Variants in GLI3 observed in about 807,000 individuals in gnomAD.
GLI3 encodes the protein transcription activator GLI3.
GLI3 carries 20 observed loss-of-function variants against 100.8 expected under a neutral mutation model. That is an observed-to-expected ratio of 0.20 (90% CI 0.14 to 0.29). The LOEUF (loss-of-function observed/expected upper bound fraction) is 0.29, where lower values mean the gene tolerates loss of function less well. Ranked by LOEUF, GLI3 falls within the 10% of genes least tolerant of loss-of-function variation. The probability of loss-of-function intolerance (pLI) is 1.00; values close to 1 mark genes in which losing one functional copy is unlikely to be tolerated. For missense variants in GLI3, 2,040 were observed against 2,128.5 expected (o/e 0.96, Z 0.82); for synonymous variants, 938 against 860.5 (o/e 1.09, Z -1.58).
At chr7:42,168,030 AC>A in intron 2 of GLI3, among the ~76,000 whole-genome samples, 1 of 152,216 alleles carries the variant, frequency 6.6e-6, no homozygotes, top group Non-Finnish European at 1.5e-5. Flanking sequence ...AAGTTAATAA[AC>A]TCCTTCCTTT....
chr7:42,178,022 A>G (rs182017980), intron 2 of GLI3, among the ~76,000 whole-genome samples: 19 of 152,322 alleles, frequency 1.2e-4, no homozygotes, highest in Admixed American at 2.0e-4. Flanking sequence ...GCCAAACTTG[A>G]CATGGAAAAA....
At chr7:42,170,175 C>A (rs1787336216) in intron 2 of GLI3, among the ~76,000 whole-genome samples, 1 of 149,484 alleles carries the variant, frequency 6.7e-6, no homozygotes, top group African/African-American at 2.5e-5. Flanking sequence ...TCAGTTGAGC[C>A]CAGGAGGCAG....
rs376050254 is a variant in GLI3, at chr7:42,024,651, A to C, written c.1356+613T>G. ...AGATGATATTATGGGTATAACCTAC[A>C]CATCCTTAAACTGAGGCCCAGAGAA... is the stretch of plus-strand genomic sequence containing the variant. On this transcript the variant is annotated intron_variant, in intron 9 of 14. Transcript: ENST00000395925. Among the ~76,000 whole-genome samples, 3 of 152,306 alleles carry C rather than the reference A, an allele frequency of 2.0e-5. No homozygotes were observed. The East Asian group carries it at 5.8e-4, about 29-fold the overall frequency.
chr7:41,971,440 C>CT (rs1174243333), intron 13 of GLI3, among the ~76,000 whole-genome samples: 1 of 152,222 alleles, frequency 6.6e-6, no homozygotes, highest in East Asian at 1.9e-4. Flanking sequence ...ACTATCTACT[C>CT]TTAATTTTTC....
intron 2 of GLI3, among the ~76,000 whole-genome samples, chr7:42,200,561 G>A (rs934271575): frequency 1.3e-5 from 2 of 152,140 alleles, no homozygotes; most frequent in African/African-American, 4.8e-5. Flanking sequence ...TTGAAGTGAT[G>A]GGGAGGCAGA....
chr7:42,096,279 C>T (rs966984280), intron 3 of GLI3, among the ~76,000 whole-genome samples: 2 of 152,094 alleles, frequency 1.3e-5, no homozygotes, highest in African/African-American at 2.4e-5. Context: ...AGGAGAGTAC[C>T]GATGGAGTCA....
At chr7:42,040,439 CG>C (rs1784110363) in intron 6 of GLI3, among the ~76,000 whole-genome samples, 200 bp from the exon 7 acceptor site, 1 of 152,136 alleles carries the variant, frequency 6.6e-6, no homozygotes, top group Admixed American at 6.5e-5. Context: ...GGGCTTACCT[CG>C]GGGGAGCTCT....
intron 4 of GLI3, among the ~76,000 whole-genome samples, chr7:42,051,155 C>T (rs1394400102): frequency 6.6e-6 from 1 of 152,170 alleles, no homozygotes; most frequent in Non-Finnish European, 1.5e-5. Flanking sequence ...CTTTTACATA[C>T]TGCTGAGAAG....
intron 7 of GLI3, among the ~76,000 whole-genome samples, chr7:42,029,115 C>T (rs1789209611): frequency 6.6e-6 from 1 of 152,226 alleles, no homozygotes; most frequent in South Asian, 2.1e-4. Flanking sequence ...GCAACAGAAA[C>T]ATTCTCCTCC....
rs567167225 is a variant in GLI3 at position 42,083,728 on chromosome 7, T to C, written c.368-6871A>G. Among the ~76,000 whole-genome samples, 5 of 152,344 alleles carry C rather than the reference T, an allele frequency of 3.3e-5. No homozygotes were observed. In the South Asian group the frequency reaches 1.0e-3, roughly 32 times the overall value. On this transcript the variant is annotated intron_variant, in intron 3 of 14. Transcript: ENST00000395925. ...TGTCTAAGCGATAACACTAAGTACA[T>C]CAAGTATTTTCAATGCACTTTCTTC...
rs71006467 is a variant in GLI3, at chr7:42,246,805, C to CTTTTTTTTTTTTTTTTTTT, written c.-43+17170_-43+17188dup. On this transcript the variant is annotated intron_variant, in intron 1 of 2. Transcript: ENST00000678978. The stretch of plus-strand genomic sequence containing the variant: ...TTAAAGGCTCATTGGATGATAGAAT[C>CTTTTTTTTTTTTTTTTTTT]TTTTTTTTTTTTTTTTTTTTTTTTT... Among the ~76,000 whole-genome samples, 62 of 94,946 alleles carry CTTTTTTTTTTTTTTTTTTT rather than the reference C, an allele frequency of 6.5e-4. 4 individuals carry two copies. The highest frequency in any genetic ancestry group is 1.1e-3 in the South Asian group (3 of 2,612). 62.3% of individuals were successfully genotyped at this position (94,946 alleles called of 152,430 possible).
intron 10 of GLI3, among the ~76,000 whole-genome samples, chr7:41,996,835 C>T (rs949139058): frequency 2.6e-5 from 4 of 152,008 alleles, no homozygotes; most frequent in Admixed American, 6.6e-5. Flanking sequence ...GGGGAGGTAA[C>T]GTGATATTAT....
chr7:42,128,158 AAAAACT>A (rs1312777387), intron 3 of GLI3, among the ~76,000 whole-genome samples: 1 of 152,202 alleles, frequency 6.6e-6, no homozygotes, highest in Admixed American at 6.5e-5. Context: ...ATGTTTGGAG[AAAAACT>A]TACCTGAGTA....
chr7:42,089,343 T>C (rs186161856), intron 3 of GLI3, among the ~76,000 whole-genome samples: 1 of 152,226 alleles, frequency 6.6e-6, no homozygotes, highest in Admixed American at 6.5e-5. Flanking sequence ...TTTCCAACTG[T>C]TACTAATGAC....
Position 41,967,786 on chromosome 7 carries a change from G to T in GLI3, c.2241C>A (p.Thr747=). Residue 747 remains threonine, a synonymous_variant, in exon 14 of 15, where the codon ACC becomes ACA. Transcript: ENST00000395925. ...SIGDLSAIDE[T]PIMDSTISTA... is the part of the protein sequence containing the mutation. ...TGGAAATGGTTGAGTCCATGATTGGGGTTTCATCGATGGCACTGAGGTCTC... is the reference window on the plus strand; with the variant it reads ...TGGAAATGGTTGAGTCCATGATTGGTGTTTCATCGATGGCACTGAGGTCTC... 1 of 1,614,080 alleles carries T rather than the reference G, an allele frequency of 6.2e-7. No individual in the cohort carries two copies. The highest frequency in any genetic ancestry group is 8.5e-7 in the Non-Finnish European group (1 of 1,179,962).
intron 10 of GLI3, among the ~76,000 whole-genome samples, chr7:42,002,529 T>C (rs568458084): frequency 3.9e-5 from 6 of 152,084 alleles, no homozygotes; most frequent in Non-Finnish European, 7.4e-5. Flanking sequence ...AGAGACAAAA[T>C]GAATTTGAAC....
intron 3 of GLI3, among the ~76,000 whole-genome samples, chr7:42,096,671 A>T (rs1785344932): frequency 6.6e-6 from 1 of 152,120 alleles, no homozygotes; most frequent in Non-Finnish European, 1.5e-5. Flanking sequence ...GAGCAGCCAC[A>T]TCCCTCTCTG....
chr7:42,124,389 A>G (rs1786075976), intron 3 of GLI3, among the ~76,000 whole-genome samples: 1 of 152,212 alleles, frequency 6.6e-6, no homozygotes, highest in African/African-American at 2.4e-5. Context: ...GGGACTGTGT[A>G]CCAGTTATGG....
chr7:41,969,499 C>T (rs990571429), intron 13 of GLI3, among the ~76,000 whole-genome samples: 5 of 152,114 alleles, frequency 3.3e-5, no homozygotes, highest in Non-Finnish European at 7.4e-5. Flanking sequence ...AACTTTGTCC[C>T]GGGCAACCAA....
Sources: allele counts gnomAD v4.1 joint callset (sites outside exome capture counted in the v4.1 genomes callset), GRCh38; gene constraint gnomAD v4.1.1; transcripts MANE v1.5; gene names NCBI Gene and HGNC (gene_info 2026-07-23, HGNC 2026-07-21).